The following DLGAP2 variants were observed in gnomAD, a reference collection of about 807,000 sequenced individuals.
DLGAP2 encodes DLG associated protein 2.
In DLGAP2, 26 loss-of-function variants were observed where a neutral mutation model predicts 100.3. That is an observed-to-expected ratio of 0.26 (90% confidence interval 0.19 to 0.36). DLGAP2 has a LOEUF of 0.36. DLGAP2 is among the 10% of genes least tolerant of loss of function. DLGAP2 has a pLI of 1.00. For missense variants in DLGAP2, 1,858 were observed against 1,453.2 expected, an observed-to-expected ratio of 1.28 and a Z score of -4.53; for synonymous variants, 886 against 630.1, an observed-to-expected ratio of 1.41 and a Z score of -6.08.
rs558312437 is a variant in DLGAP2, at chr8:1,226,955, C to T, written c.74-31896C>T. On this transcript the variant is annotated intron_variant, in intron 2 of 14. Transcript: ENST00000637795. ...AATTATGGAAAACAGTATCGACGTT[C>T]CTAAGGAAAGTAAAAATAGAATTAC... Among the ~76,000 whole-genome samples the T allele has an allele frequency of 1.3e-3, 200 of 151,576 alleles. 2 individuals are homozygous for T. In the South Asian group the frequency reaches 0.022, roughly 17 times the overall value.
At chr8:1,343,467 C>T (rs1801466349) in intron 3 of DLGAP2, among the ~76,000 whole-genome samples, 1 of 152,162 alleles carries the variant, frequency 6.6e-6, no homozygotes, top group African/African-American at 2.4e-5. Flanking sequence ...GCCTGGTCTC[C>T]AGCTCCCTCA....
chr8:1,654,109 T>C (rs1798229142), intron 8 of DLGAP2, among the ~76,000 whole-genome samples: 1 of 152,158 alleles, frequency 6.6e-6, no homozygotes, highest in African/African-American at 2.4e-5. Context: ...TCCCTTGAAA[T>C]CTTGGTAGTA....
chr8:1,331,607 C>T (rs1272037161), intron 3 of DLGAP2, among the ~76,000 whole-genome samples: 1 of 152,170 alleles, frequency 6.6e-6, no homozygotes, highest in Non-Finnish European at 1.5e-5. Context: ...TTGTGTTTTT[C>T]TTGGATGCTT....
At chr8:1,006,619 C>T (rs1244124135) in intron 2 of DLGAP2, among the ~76,000 whole-genome samples, 26 of 42,540 alleles carry the variant, frequency 6.1e-4, no homozygotes, top group South Asian at 1.5e-3. Flanking sequence ...TCCTTTATCA[C>T]GTCGGGGACA....
At chr8:1,442,503 C>T (rs373451162) in intron 3 of DLGAP2, among the ~76,000 whole-genome samples, 1 of 144,246 alleles carries the variant, frequency 6.9e-6, no homozygotes, top group South Asian at 2.2e-4. Flanking sequence ...GAGACGGATC[C>T]GGGCATAGAC....
chr8:1,590,638 C>T (rs1009204167), intron 6 of DLGAP2, among the ~76,000 whole-genome samples: 1 of 152,348 alleles, frequency 6.6e-6, no homozygotes, highest in Non-Finnish European at 1.5e-5. Context: ...GTGTACTCCA[C>T]ACTCTCAAAT....
intron 1 of DLGAP2, among the ~76,000 whole-genome samples, chr8:898,990 G>A (rs1798198677): frequency 6.6e-6 from 1 of 152,248 alleles, no homozygotes; most frequent in Non-Finnish European, 1.5e-5. Context: ...CGTGGGTCCA[G>A]CAGAAGGTGT....
At chr8:1,690,313 G>GCCA (rs1563065218) in intron 12 of DLGAP2, among the ~76,000 whole-genome samples, 4 of 151,720 alleles carry the variant, frequency 2.6e-5, no homozygotes, top group Non-Finnish European at 1.5e-5. Flanking sequence ...CCAAGATGAC[G>GCCA]CCACTGCAGT....
At chr8:1,154,384 G>T (rs1796743985) in intron 2 of DLGAP2, among the ~76,000 whole-genome samples, 1 of 152,072 alleles carries the variant, frequency 6.6e-6, no homozygotes, top group African/African-American at 2.4e-5. Context: ...AATACATCGA[G>T]ACACGATTTT....
chr8:799,150 C>T (rs754497308), intron 1 of DLGAP2, among the ~76,000 whole-genome samples: 3 of 152,156 alleles, frequency 2.0e-5, no homozygotes, highest in Non-Finnish European at 4.4e-5. Context: ...CCTAAGAATC[C>T]GAGTGTCTTT....
rs544097619 is a variant in DLGAP2 at position 1,309,321 on chromosome 8, G to C, written c.106+50438G>C. Among the ~76,000 whole-genome samples, 6 of 152,246 alleles carry C rather than the reference G, an allele frequency of 3.9e-5. No homozygotes were observed. The South Asian group carries it at 1.2e-3, about 32-fold the overall frequency. Reference sequence around the variant, plus strand: ...AGACATGTTATAATCAAACCAGTGAGGGATAAAGAGAAAATCCCAAAAGCA... The same window carrying C: ...AGACATGTTATAATCAAACCAGTGACGGATAAAGAGAAAATCCCAAAAGCA... On this transcript the variant is annotated intron_variant, in intron 3 of 14. Coordinates refer to ENST00000637795, the MANE Select transcript of DLGAP2 (RefSeq NM_001346810.2).
intron 3 of DLGAP2, among the ~76,000 whole-genome samples, chr8:1,344,457 C>T (rs1476712989): frequency 5.9e-5 from 9 of 152,232 alleles, no homozygotes; most frequent in Non-Finnish European, 1.2e-4. Context: ...AGTCGGGACT[C>T]AGACTCACCT....
At chr8:1,572,804 A>G (rs568829055) in intron 6 of DLGAP2, among the ~76,000 whole-genome samples, 29 of 47,626 alleles carry the variant, frequency 6.1e-4, no homozygotes, top group African/African-American at 2.4e-3. Flanking sequence ...TGAGATGGAG[A>G]GGAGAGAGGG....
chr8:1,191,046 G>C (rs1797623579), intron 2 of DLGAP2, among the ~76,000 whole-genome samples: 1 of 152,164 alleles, frequency 6.6e-6, no homozygotes, highest in Non-Finnish European at 1.5e-5. Context: ...GGATGACCCT[G>C]CCACATCCCA....
At chr8:849,078 A>G (rs1797130470) in intron 1 of DLGAP2, among the ~76,000 whole-genome samples, 2 of 150,268 alleles carry the variant, frequency 1.3e-5, no homozygotes, top group African/African-American at 4.9e-5. Flanking sequence ...CCAGTATAGA[A>G]TCTTGTGGTG....
chr8:1,189,630 C>T (rs568633100), intron 2 of DLGAP2, among the ~76,000 whole-genome samples: 4 of 152,312 alleles, frequency 2.6e-5, no homozygotes, highest in Admixed American at 6.5e-5. Flanking sequence ...TAGCAGTTGA[C>T]GTGTGACATC....
intron 2 of DLGAP2, among the ~76,000 whole-genome samples, chr8:973,511 C>T (rs113247219): frequency 0.013 from 1,886 of 150,764 alleles, 44 homozygotes; most frequent in African/African-American, 0.044. Context: ...ACATCTCAGA[C>T]GATGGGCGGC....
intron 2 of DLGAP2, among the ~76,000 whole-genome samples, chr8:1,097,684 T>C (rs1804428816): frequency 7.3e-6 from 1 of 136,472 alleles, no homozygotes; most frequent in South Asian, 2.3e-4. Context: ...CTCTGTGGCA[T>C]GGAGAGGTCT....
intron 12 of DLGAP2, among the ~76,000 whole-genome samples, chr8:1,679,748 G>A (rs1783057322): frequency 6.6e-6 from 1 of 152,202 alleles, no homozygotes; most frequent in African/African-American, 2.4e-5. Flanking sequence ...TTAGGAGGCT[G>A]AGGCGGGTGG....
Sources: allele counts gnomAD v4.1 joint callset (sites outside exome capture counted in the v4.1 genomes callset), GRCh38; gene constraint gnomAD v4.1.1; transcripts MANE v1.5; gene names NCBI Gene and HGNC (gene_info 2026-07-23, HGNC 2026-07-21).